MED27: variants seen among roughly 807,000 people sequenced by gnomAD.
The protein encoded by MED27 is mediator of RNA polymerase II transcription subunit 27.
Under a neutral mutation model 38.2 loss-of-function variants are expected in MED27, and 30 were observed. The ratio of observed to expected loss-of-function variants is 0.79; its 90% CI spans 0.59 to 1.07. The LOEUF (loss-of-function observed/expected upper bound fraction) is 1.07. Among genes scored for constraint, MED27 ranks in the 50% least tolerant of loss-of-function variants. The probability of loss-of-function intolerance (pLI) is 0.00; values close to 1 mark genes in which losing one functional copy is unlikely to be tolerated. For missense variants in MED27, 289 were observed against 397.5 expected, an observed-to-expected ratio of 0.73 and a Z score of 2.32; for synonymous variants, 122 against 153.5, an observed-to-expected ratio of 0.79 and a Z score of 1.52.
chr9:131,987,388 C>T, intron 3 of MED27, among the ~76,000 whole-genome samples: 1 of 151,814 alleles, frequency 6.6e-6, no homozygotes, highest in Middle Eastern at 3.2e-3. Context: ...GTGGTGTGTC[C>T]CTAAAGTAGC....
chr9:132,015,611 G>A (rs1302711060), intron 2 of MED27, among the ~76,000 whole-genome samples: 1 of 152,118 alleles, frequency 6.6e-6, no homozygotes, highest in Non-Finnish European at 1.5e-5. Flanking sequence ...GCTCATTTGT[G>A]CCCTAACGCA....
chr9:131,990,549 G>T (rs1831949082), intron 3 of MED27, among the ~76,000 whole-genome samples: 2 of 152,208 alleles, frequency 1.3e-5, no homozygotes, highest in Non-Finnish European at 2.9e-5. Context: ...GAGTGTTTAT[G>T]GAGCATCCTC....
At chr9:131,902,459 A>C (rs1039074466) in intron 4 of MED27, among the ~76,000 whole-genome samples, 3 of 152,184 alleles carry the variant, frequency 2.0e-5, no homozygotes, top group Admixed American at 1.3e-4. Flanking sequence ...CAAAGAAGAT[A>C]AACTGTCATG....
chr9:131,885,898 T>G (rs1462242945), intron 5 of MED27, among the ~76,000 whole-genome samples: 1 of 152,190 alleles, frequency 6.6e-6, no homozygotes, highest in Non-Finnish European at 1.5e-5. Flanking sequence ...GTTGAGTGAA[T>G]GGAACACCTG....
intron 3 of MED27, among the ~76,000 whole-genome samples, chr9:131,979,125 C>T (rs1265572467): frequency 1.3e-5 from 2 of 152,166 alleles, no homozygotes; most frequent in Non-Finnish European, 2.9e-5. Context: ...CTTGGCATCA[C>T]TTGCCTTTTT....
At chr9:132,036,017 T>C (rs962356994) in intron 2 of MED27, among the ~76,000 whole-genome samples, 4 of 151,722 alleles carry the variant, frequency 2.6e-5, no homozygotes, top group African/African-American at 9.7e-5. Context: ...GAATGGGGCC[T>C]TTGTATGACT....
intron 2 of MED27, among the ~76,000 whole-genome samples, chr9:132,058,058 A>T (rs1242835584): frequency 2.0e-5 from 3 of 152,188 alleles, no homozygotes; most frequent in South Asian, 2.1e-4. Context: ...CTATTTTTTT[A>T]AAGTTAAGAA....
At chr9:132,029,682 G>A (rs536200321) in intron 2 of MED27, among the ~76,000 whole-genome samples, 1 of 152,270 alleles carries the variant, frequency 6.6e-6, no homozygotes, top group South Asian at 2.1e-4. Flanking sequence ...AAATAGGGAA[G>A]GAGGTGGGGA....
chr9:131,963,329 C>T (rs996864531), intron 3 of MED27, among the ~76,000 whole-genome samples: 1 of 151,960 alleles, frequency 6.6e-6, no homozygotes, highest in Admixed American at 6.6e-5. Context: ...ACAAAATGGC[C>T]AGAAATTAAG....
intron 2 of MED27, among the ~76,000 whole-genome samples, chr9:132,028,558 A>T (rs1832879120): frequency 6.6e-6 from 1 of 152,198 alleles, no homozygotes; most frequent in Non-Finnish European, 1.5e-5. Flanking sequence ...ATAACTGCAC[A>T]GCCAGACCTA....
intron 2 of MED27, among the ~76,000 whole-genome samples, chr9:132,070,724 T>C (rs565085500): frequency 3.3e-4 from 50 of 151,972 alleles, no homozygotes; most frequent in Non-Finnish European, 2.2e-4. Flanking sequence ...TCTCACCTCC[T>C]CTCCATGGTC....
intron 2 of MED27, among the ~76,000 whole-genome samples, chr9:132,023,940 T>C (rs948121654): frequency 1.3e-5 from 2 of 152,120 alleles, no homozygotes; most frequent in African/African-American, 2.4e-5. Context: ...ATTGTCCTTT[T>C]GGGAACAGGA....
intron 3 of MED27, among the ~76,000 whole-genome samples, chr9:131,979,098 A>C (rs1390577716): frequency 6.6e-6 from 1 of 152,222 alleles, no homozygotes; most frequent in Non-Finnish European, 1.5e-5. Context: ...GATGAACCGC[A>C]GAGATGATGG....
At chr9:132,050,758 G>A (rs767362678) in intron 2 of MED27, among the ~76,000 whole-genome samples, 1 of 152,062 alleles carries the variant, frequency 6.6e-6, no homozygotes, top group Non-Finnish European at 1.5e-5. Context: ...CCATCAAAGG[G>A]ACTCACCCCC....
At chr9:132,034,440 G>A (rs1201036955) in intron 2 of MED27, among the ~76,000 whole-genome samples, 1 of 152,116 alleles carries the variant, frequency 6.6e-6, no homozygotes, top group African/African-American at 2.4e-5. Context: ...CCCTAACAAA[G>A]CCTGCCCTTC....
chr9:131,988,217 G>A (rs549682800), intron 3 of MED27, among the ~76,000 whole-genome samples: 1 of 152,114 alleles, frequency 6.6e-6, no homozygotes, highest in South Asian at 2.1e-4. Flanking sequence ...AATAGTTTTT[G>A]TTAGCTACTT....
chr9:131,977,337 T>C (rs1455444594), intron 3 of MED27, among the ~76,000 whole-genome samples: 1 of 152,114 alleles, frequency 6.6e-6, no homozygotes, highest in East Asian at 1.9e-4. Flanking sequence ...AGTGAGAAAA[T>C]TCAGGCTCTA....
intron 6 of MED27, chr9:131,869,485 C>T (rs565223159): frequency 2.0e-5 from 18 of 894,966 alleles, no homozygotes; most frequent in East Asian, 2.4e-4. Flanking sequence ...AATGAGATTC[C>T]GCTGGGAGAT....
In MED27 at chr9:132,016,716, T is replaced by C. The variant is rs190375397; in HGVS notation, c.349-2249A>G. Among the ~76,000 whole-genome samples the C allele has an allele frequency of 3.5e-3, 533 of 152,320 alleles. 4 individuals are homozygous for C. Among genetic ancestry groups the C allele is most frequent in the Non-Finnish European group, 4.9e-3 (336 of 68,026 alleles). ...CTCTCCTTTTGGCTTTCCTCCTTTG[T>C]ATTTACTAGGGTCCATGCAAGCTCA... On this transcript the variant is annotated intron_variant, in intron 2 of 7. Coordinates refer to ENST00000292035, the MANE Select transcript of MED27 (RefSeq NM_004269.4).
Sources: gnomAD v4.1 joint callset for allele counts (sites outside exome capture counted in the v4.1 genomes callset) on GRCh38, gnomAD v4.1.1 for gene constraint, MANE v1.5 for transcripts, NCBI Gene and HGNC (gene_info 2026-07-23, HGNC 2026-07-21) for gene names.